The following S100A8 variants were observed in gnomAD, a reference collection of about 807,000 sequenced individuals.
S100A8 encodes the protein S100 calcium binding protein A8, also known as protein S100-A8.
A neutral mutation model predicts 4.2 loss-of-function variants in S100A8; 1 was observed. The ratio of observed to expected loss-of-function variants is 0.24; its 90% CI spans 0.08 to 1.12. The LOEUF is 1.12. Ranked by LOEUF, S100A8 falls within the 50% of genes most tolerant of loss-of-function variation. S100A8 has a pLI of 0.53. For synonymous variants in S100A8, 41 were observed against 44.7 expected (o/e 0.92, Z 0.33); for missense variants, 96 against 111.8 (o/e 0.86, Z 0.64).
chr1:153,405,539 G>A, the S100A8 span, among the ~76,000 whole-genome samples: 3 of 151,252 alleles, frequency 2.0e-5, no homozygotes, highest in Non-Finnish European at 4.4e-5. Context: ...GCGGGGCAAA[G>A]GTCCAAGAAA....
At chr1:153,393,098 A>G (rs559894137), upstream of S100A8, among the ~76,000 whole-genome samples, 3 of 152,306 alleles carry the variant, frequency 2.0e-5, no homozygotes, top group Admixed American at 1.3e-4. Flanking sequence ...TCAGCGTATC[A>G]AATGATTGAG....
At chr1:153,397,402 A>G in the S100A8 span, among the ~76,000 whole-genome samples, 2 of 152,246 alleles carry the variant, frequency 1.3e-5, no homozygotes, top group Non-Finnish European at 2.9e-5. Flanking sequence ...AAGGGAAAGG[A>G]CAAAGCCAGG....
At chr1:153,405,027 C>T in the S100A8 span, among the ~76,000 whole-genome samples, 21,736 of 151,886 alleles carry the variant, frequency 0.14, 1,757 homozygotes, top group African/African-American at 0.23. Context: ...AGGAACAGCC[C>T]TTACAGTGTA....
chr1:153,411,157 G>A, the S100A8 span, among the ~76,000 whole-genome samples: 1 of 152,152 alleles, frequency 6.6e-6, no homozygotes, highest in African/African-American at 2.4e-5. Flanking sequence ...AAGAAATAAA[G>A]GGTATTCAAT....
the S100A8 span, among the ~76,000 whole-genome samples, chr1:153,418,724 G>A: frequency 1.3e-5 from 2 of 152,216 alleles, no homozygotes; most frequent in African/African-American, 2.4e-5. Context: ...CCCAGAAGAT[G>A]AGTTTGGTGG....
At chr1:153,419,352 A>T in the S100A8 span, 1 of 1,581,944 alleles carries the variant, frequency 6.3e-7, no homozygotes, top group Admixed American at 1.8e-5. Flanking sequence ...AGGAACAATA[A>T]GTGTCTCCTC....
chr1:153,400,575 C>T, the S100A8 span, among the ~76,000 whole-genome samples: 2 of 152,162 alleles, frequency 1.3e-5, no homozygotes, highest in Non-Finnish European at 2.9e-5. Flanking sequence ...AGGTAGATAC[C>T]GAAGCCAACA....
At chr1:153,401,897 T>C in the S100A8 span, among the ~76,000 whole-genome samples, 2 of 151,884 alleles carry the variant, frequency 1.3e-5, no homozygotes, top group Admixed American at 1.3e-4. Flanking sequence ...CTTACCAGTG[T>C]ATATCTATTT....
chr1:153,397,423 C>A, the S100A8 span, among the ~76,000 whole-genome samples: 203 of 152,350 alleles, frequency 1.3e-3, 1 homozygote, highest in African/African-American at 4.8e-3. Flanking sequence ...AGCCCTGGAG[C>A]TGTCCAGGTT....
the S100A8 span, among the ~76,000 whole-genome samples, chr1:153,405,043 G>A: frequency 2.0e-5 from 3 of 152,006 alleles, no homozygotes; most frequent in African/African-American, 7.3e-5. Flanking sequence ...GTGTAAGTCA[G>A]AATCCTACAG....
chr1:153,416,596 A>AAGTGCCC, the S100A8 span: 2 of 462,672 alleles, frequency 4.3e-6, no homozygotes, highest in Non-Finnish European at 8.7e-6. Flanking sequence ...CATTTTCTAG[A>AAGTGCCC]AGTGCCCAGT....
rs1229706530 is a variant in S100A8 at position 153,390,378 on chromosome 1, ACC to A, written c.141+15_141+16del. 1.2e-6 allele frequency: 2 copies of A among 1,613,592 alleles called. No individual in the cohort carries two copies. Among genetic ancestry groups the A allele is most frequent in the Non-Finnish European group, 8.5e-7 (1 of 1,179,634 alleles). On this transcript the variant is annotated intron_variant, in intron 2 of 2. Coordinates refer to ENST00000368733, the MANE Select transcript of S100A8 (RefSeq NM_002964.5). ...GGACCAGGCAGAGAGCCCCCGCCAC[ACC>A]CAGCCCCTCCTCACCCTGATATACT...
At chr1:153,405,428 A>G in the S100A8 span, among the ~76,000 whole-genome samples, 1 of 151,032 alleles carries the variant, frequency 6.6e-6, no homozygotes, top group African/African-American at 2.4e-5. Context: ...TCAGGCCGTG[A>G]GAAACATCCT....
the S100A8 span, among the ~76,000 whole-genome samples, chr1:153,401,340 A>T: frequency 6.6e-6 from 1 of 152,152 alleles, no homozygotes; most frequent in Non-Finnish European, 1.5e-5. Context: ...GGTGCTGTGG[A>T]GAAAGGGGGC....
the S100A8 span, among the ~76,000 whole-genome samples, chr1:153,399,609 T>C: frequency 1.3e-5 from 2 of 152,082 alleles, no homozygotes; most frequent in Non-Finnish European, 2.9e-5. Flanking sequence ...TGCTAGGCAA[T>C]ATGCATCAGA....
At chr1:153,422,045 A>G in the S100A8 span, 3 of 152,272 alleles carry the variant, frequency 2.0e-5, no homozygotes, top group African/African-American at 7.2e-5. Context: ...AGAGGTGATC[A>G]CAGGGCAGGG....
At chr1:153,406,902 C>T in the S100A8 span, among the ~76,000 whole-genome samples, 1 of 152,184 alleles carries the variant, frequency 6.6e-6, no homozygotes, top group African/African-American at 2.4e-5. Context: ...AAAGATAAGG[C>T]CCCTATTAAA....
At position 153,390,683 on chromosome 1, in the gene S100A8, C is replaced by A. The variant is rs951353887; in HGVS notation, c.-22-126G>T. ...GCCTGCACTCTCCAAATAACCAAAC[C>A]AGCAGATGGCTATGGCTCTGGTGGG... On this transcript the variant is annotated intron_variant, in intron 1 of 2. Coordinates refer to ENST00000368733, the MANE Select transcript of S100A8 (RefSeq NM_002964.5). 8 of 1,176,966 alleles carry A rather than the reference C, an allele frequency of 6.8e-6. No homozygotes were observed. In the African/African-American group the frequency reaches 1.1e-4, roughly 16 times the overall value. 72.9% of individuals were successfully genotyped at this position (1,176,966 alleles called of 1,614,324 possible). A position where few individuals can be genotyped will look rare whatever the true frequency, so the allele number is the denominator to read the frequency against.
chr1:153,415,176 G>C, the S100A8 span, among the ~76,000 whole-genome samples: 2 of 150,948 alleles, frequency 1.3e-5, no homozygotes, highest in Non-Finnish European at 2.9e-5. Flanking sequence ...GTGTGTTTGT[G>C]TGTGTGTGCG....
Sources: gnomAD v4.1 joint callset for allele counts (sites outside exome capture counted in the v4.1 genomes callset) on GRCh38, gnomAD v4.1.1 for gene constraint, MANE v1.5 for transcripts, NCBI Gene and HGNC (gene_info 2026-07-23, HGNC 2026-07-21) for gene names.